The following CTNND2 variants were observed in gnomAD, a reference collection of about 807,000 sequenced individuals.
CTNND2 encodes catenin delta-2.
Under a neutral mutation model 144.4 loss-of-function variants are expected in CTNND2, and 22 were observed. The ratio of observed to expected loss-of-function variants is 0.15; its 90% confidence interval spans 0.11 to 0.22. The LOEUF (loss-of-function observed/expected upper bound fraction) is 0.22, where lower values mean the gene tolerates loss of function less well. CTNND2 is among the 10% of genes least tolerant of loss of function. The pLI is 1.00. For missense variants in CTNND2, 1,353 were observed against 1,618.8 expected (o/e 0.84, Z 2.82); for synonymous variants, 751 against 695.6 (o/e 1.08, Z -1.25).
chr5:11,148,526 A>C (rs1388176703), intron 12 of CTNND2, among the ~76,000 whole-genome samples: 2 of 152,092 alleles, frequency 1.3e-5, no homozygotes. Flanking sequence ...TCTTCACCTG[A>C]ATTAAAGTCT....
chr5:11,135,945 T>A (rs1756102564), intron 12 of CTNND2, among the ~76,000 whole-genome samples: 1 of 152,236 alleles, frequency 6.6e-6, no homozygotes, highest in South Asian at 2.1e-4. Context: ...ACTGCTATCA[T>A]CTGAATATCT....
At chr5:11,700,444 G>A (rs1785376558) in intron 2 of CTNND2, among the ~76,000 whole-genome samples, 1 of 152,108 alleles carries the variant, frequency 6.6e-6, no homozygotes, top group African/African-American at 2.4e-5. Flanking sequence ...GAAGGTGAGT[G>A]TTCCGACCCT....
chr5:11,128,954 T>G lies in CTNND2; in HGVS notation c.2160-11387A>C, dbSNP rs1206929580. 6.3e-5 allele frequency among the ~76,000 whole-genome samples: 3 copies of G among 47,934 alleles called. No homozygotes were observed. The East Asian group carries it at 1.5e-3, about 24-fold the overall frequency. The allele number at this position is 47,934 out of a possible 152,430, so 31.4% of individuals were successfully genotyped here. On this transcript the variant is annotated intron_variant, in intron 12 of 21. Coordinates refer to ENST00000304623, the MANE Select transcript of CTNND2 (RefSeq NM_001332.4). ...AAATATATATATTATATATAATATA[T>G]AAATATATATAATATATAATATATA...
chr5:11,903,493 T>G lies in CTNND2; in HGVS notation c.37+324A>C. 1.5e-6 allele frequency: 1 copy of G among 648,020 alleles called. No homozygotes were observed. Among genetic ancestry groups the G allele is most frequent in the South Asian group, 3.9e-5 (1 of 25,536 alleles). The allele number at this position is 648,020 out of a possible 1,614,324, so 40.1% of individuals were successfully genotyped here. A position where few individuals can be genotyped will look rare whatever the true frequency, so the allele number is the denominator to read the frequency against. ...GAATGCACCGAGTATGTTCTCAGGG[T>G]GGCGGGGAGCAGCATTGTCGGTGTT... On this transcript the variant is annotated intron_variant, in intron 1 of 21. Transcript: ENST00000304623. The surrounding 1 kb of genome is among the most constrained non-coding windows in gnomAD (Gnocchi z 5.4).
chr5:11,679,257 C>T (rs538359899), intron 2 of CTNND2, among the ~76,000 whole-genome samples: 5 of 152,218 alleles, frequency 3.3e-5, no homozygotes, highest in African/African-American at 1.2e-4. Flanking sequence ...ACTGCCAAAA[C>T]CTATAACTCT....
At chr5:11,540,195 G>A (rs78940482) in intron 3 of CTNND2, among the ~76,000 whole-genome samples, 1,890 of 152,176 alleles carry the variant, frequency 0.012, 40 homozygotes, top group African/African-American at 0.043. Context: ...TAAAATAAAC[G>A]ACATTCCAAG....
chr5:11,685,108 C>G (rs1207397256), intron 2 of CTNND2, among the ~76,000 whole-genome samples: 1 of 152,138 alleles, frequency 6.6e-6, no homozygotes, highest in Non-Finnish European at 1.5e-5. Flanking sequence ...AGTATAAGTG[C>G]ATTGTTACTT....
intron 9 of CTNND2, among the ~76,000 whole-genome samples, chr5:11,319,006 C>G (rs258847): frequency 6.6e-6 from 1 of 151,892 alleles, no homozygotes; most frequent in Admixed American, 6.6e-5. Context: ...ATATTTAACT[C>G]AAATTACTCT....
intron 3 of CTNND2, among the ~76,000 whole-genome samples, chr5:11,466,194 G>T (rs1250588976): frequency 6.6e-6 from 1 of 151,972 alleles, no homozygotes; most frequent in Admixed American, 6.6e-5. Flanking sequence ...TAGAGACGGG[G>T]GCTTGCTATG....
At chr5:11,556,698 C>T (rs766561690) in intron 3 of CTNND2, among the ~76,000 whole-genome samples, 17 of 152,100 alleles carry the variant, frequency 1.1e-4, no homozygotes, top group African/African-American at 3.4e-4. Context: ...ATTTATAACA[C>T]GTATTCCTTT....
chr5:11,132,672 A>C (rs776420275), intron 12 of CTNND2, among the ~76,000 whole-genome samples: 1 of 152,220 alleles, frequency 6.6e-6, no homozygotes, highest in Non-Finnish European at 1.5e-5. Flanking sequence ...AGACTGACTA[A>C]GACAGTCTTC....
At chr5:11,743,044 G>C (rs1263134371) in intron 1 of CTNND2, among the ~76,000 whole-genome samples, 1 of 152,124 alleles carries the variant, frequency 6.6e-6, no homozygotes, top group Non-Finnish European at 1.5e-5. Context: ...TTTACAAAGA[G>C]AAATCTAAAG....
intron 1 of CTNND2, among the ~76,000 whole-genome samples, chr5:11,789,926 C>T (rs961947409): frequency 2.0e-5 from 3 of 152,126 alleles, no homozygotes; most frequent in South Asian, 2.1e-4. Flanking sequence ...GGGTATTACA[C>T]GTTATCAAAT....
chr5:11,543,895 A>G (rs907125222), intron 3 of CTNND2, among the ~76,000 whole-genome samples: 2 of 152,198 alleles, frequency 1.3e-5, no homozygotes, highest in African/African-American at 4.8e-5. Flanking sequence ...TCTTTCTTGG[A>G]AGACCATACC....
intron 1 of CTNND2, among the ~76,000 whole-genome samples, chr5:11,888,750 T>A (rs1023269532): frequency 2.8e-5 from 4 of 143,258 alleles, no homozygotes; most frequent in African/African-American, 1.0e-4. Flanking sequence ...GAATGACTCT[T>A]TTTTTTTTTT....
chr5:11,244,824 C>CT (rs1742827536), intron 9 of CTNND2, among the ~76,000 whole-genome samples: 1 of 152,196 alleles, frequency 6.6e-6, no homozygotes, highest in Non-Finnish European at 1.5e-5. Flanking sequence ...ACAGATCTCC[C>CT]TGGAGAAGTG....
In CTNND2 at chr5:11,447,778, C is replaced by T. The variant is rs61755464; in HGVS notation, c.288-35709G>A. ...TCAACAACTCAAGTGGTTGTTACAG[C>T]CTGAGTAGCAGGGGCCAAGGAAGGA... On this transcript the variant is annotated intron_variant, in intron 3 of 21. Transcript: ENST00000304623. Among the ~76,000 whole-genome samples, 1,182 of 152,256 alleles carry T rather than the reference C, an allele frequency of 7.8e-3. 10 individuals carry two copies. The highest frequency in any genetic ancestry group is 0.013 in the Non-Finnish European group (899 of 68,022).
At chr5:11,453,718 A>C (rs1395459703) in intron 3 of CTNND2, among the ~76,000 whole-genome samples, 1 of 152,158 alleles carries the variant, frequency 6.6e-6, no homozygotes. Context: ...CACATTCAGA[A>C]TTGCATTTGT....
chr5:11,568,869 A>G (rs929127010), intron 2 of CTNND2, among the ~76,000 whole-genome samples: 18 of 152,232 alleles, frequency 1.2e-4, no homozygotes, highest in African/African-American at 4.3e-4. Context: ...TGAGTATACA[A>G]GAAGTTAACT....
Sources: allele counts gnomAD v4.1 joint callset (sites outside exome capture counted in the v4.1 genomes callset), GRCh38; gene constraint gnomAD v4.1.1; non-coding constraint Gnocchi (gnomAD v3.1); transcripts MANE v1.5; gene names NCBI Gene and HGNC (gene_info 2026-07-23, HGNC 2026-07-21).